Variants in MYOM3 observed in about 807,000 individuals in gnomAD.
The protein encoded by MYOM3 is myomesin-3.
MYOM3 carries 155 observed loss-of-function variants against 191.7 expected under a neutral mutation model. That is an observed-to-expected ratio of 0.81 (90% CI 0.71 to 0.92). MYOM3 has a LOEUF of 0.92. Among genes scored for constraint, MYOM3 ranks in the 40% least tolerant of loss-of-function variants. MYOM3 has a pLI of 0.00. For missense variants in MYOM3, 1,889 were observed against 1,890.6 expected (o/e 1.00, Z 0.02); for synonymous variants, 757 against 762.9 (o/e 0.99, Z 0.13).
At chr1:24,081,216 G>A in intron 19 of MYOM3, 114 bp downstream of exon 19, 1 of 1,370,298 alleles carries the variant, frequency 7.3e-7, no homozygotes, top group Non-Finnish European at 1.0e-6. Context: ...TGGGGTGCAG[G>A]ACAAACAGTG....
chr1:24,071,001 C>T, intron 25 of MYOM3, 116 bp downstream of exon 25: 1 of 1,305,256 alleles, frequency 7.7e-7, no homozygotes. Context: ...AAAAGCACAC[C>T]GTCATTTCTG....
At chr1:24,106,878 A>G (rs1643987778) in intron 4 of MYOM3, among the ~76,000 whole-genome samples, 195 bp downstream of exon 4, 1 of 152,220 alleles carries the variant, frequency 6.6e-6, no homozygotes, top group South Asian at 2.1e-4. Flanking sequence ...CCAATTTTAC[A>G]GATGAGAACA....
rs200882626 is a variant in MYOM3, at chr1:24,090,918, G to A, written c.1311C>T (p.Leu437=). ...GGTCRCPIQG[L]VEGQSYRFRV... is the part of the protein sequence containing the mutation. ...GGAACCGATAGCTCTGACCTTCGAC[G>A]AGGCCTTGGATTGGGCACCGACAAG... The change falls in exon 12 of 37, where the codon CTC becomes CTT. Residue 437 remains leucine (L), a synonymous_variant. Coordinates refer to ENST00000374434, the MANE Select transcript of MYOM3 (RefSeq NM_152372.4). The A allele has an allele frequency of 2.8e-5, 46 of 1,614,104 alleles. No individual in the cohort carries two copies. Among genetic ancestry groups the A allele is most frequent in the African/African-American group, 2.0e-4 (15 of 75,042 alleles).
chr1:24,108,053 C>T lies in MYOM3; in HGVS notation c.182G>A (p.Ser61Asn). The T allele has an allele frequency of 6.2e-7, 1 of 1,613,802 alleles. No homozygotes were observed. Among genetic ancestry groups the T allele is most frequent in the Non-Finnish European group, 8.5e-7 (1 of 1,179,854 alleles). The change falls in exon 3 of 37, where the codon AGC (serine) becomes AAC (asparagine). Residue 61 changes from serine to asparagine, a missense_variant. Physicochemically the swap from Ser to Asn is conservative, Grantham distance 46 (BLOSUM62 1). Transcript: ENST00000374434. Reference protein sequence around the residue: ...FRSSEEEHEFSAADYALAAAL... With the variant: ...FRSSEEEHEFNAADYALAAAL... Reference sequence around the variant, plus strand: ...TGCTGCCAGGGCGTAGTCCGCGGCGCTGAACTCATGCTCTTCTTCGCTGCT... The same window carrying T: ...TGCTGCCAGGGCGTAGTCCGCGGCGTTGAACTCATGCTCTTCTTCGCTGCT...
intron 5 of MYOM3, among the ~76,000 whole-genome samples, chr1:24,104,118 A>G (rs988175775): frequency 1.3e-5 from 2 of 152,208 alleles, no homozygotes; most frequent in African/African-American, 4.8e-5. Flanking sequence ...TTACCTGTGT[A>G]ATAGGCATAA....
intron 5 of MYOM3, among the ~76,000 whole-genome samples, chr1:24,100,584 T>C (rs1342933301): frequency 1.3e-5 from 2 of 152,056 alleles, no homozygotes; most frequent in East Asian, 3.9e-4. Context: ...CCGGAGGAGC[T>C]TTCAAAAATC....
chr1:24,081,592 T>C, intron 18 of MYOM3, 136 bp from the exon 19 acceptor site: 1 of 1,039,202 alleles, frequency 9.6e-7, no homozygotes. Flanking sequence ...AGACATGGTC[T>C]CACTTTGTCA....
intron 20 of MYOM3, 77 bp downstream of exon 20, chr1:24,079,939 G>T: frequency 7.8e-7 from 1 of 1,288,328 alleles, no homozygotes; most frequent in Non-Finnish European, 1.1e-6. Flanking sequence ...GTGATGTCTG[G>T]AGGTCATTCC....
At chr1:24,077,873 A>G (rs1260828455) in intron 20 of MYOM3, among the ~76,000 whole-genome samples, 2 of 152,218 alleles carry the variant, frequency 1.3e-5, no homozygotes, top group Admixed American at 1.3e-4. Flanking sequence ...ATATAGGGGA[A>G]GACCTCAAGG....
chr1:24,108,177 C>T, intron 2 of MYOM3, 104 bp from the exon 3 acceptor site: 4 of 1,094,422 alleles, frequency 3.7e-6, no homozygotes, highest in Non-Finnish European at 5.3e-6. Flanking sequence ...CACCAGCAGG[C>T]AGGGCTGTGC....
intron 32 of MYOM3, 57 bp from the exon 33 acceptor site, chr1:24,062,166 C>T: frequency 6.3e-7 from 1 of 1,594,398 alleles, no homozygotes; most frequent in South Asian, 1.1e-5. Flanking sequence ...CAACAGATAC[C>T]CGTGCCCCAA....
At chr1:24,107,043 G>A (rs1483632124) in intron 4 of MYOM3, 30 bp downstream of exon 4, 2 of 1,580,746 alleles carry the variant, frequency 1.3e-6, no homozygotes, top group Admixed American at 1.7e-5. Context: ...CAGGTCCCAG[G>A]CCCTGGGGCT....
At chr1:24,089,283 T>C (rs1240235074) in intron 14 of MYOM3, among the ~76,000 whole-genome samples, 1 of 152,208 alleles carries the variant, frequency 6.6e-6, no homozygotes, top group Non-Finnish European at 1.5e-5. Flanking sequence ...GTCATTGTTG[T>C]CTGTGTCTTG....
chr1:24,105,928 C>A lies in MYOM3; in HGVS notation c.552G>T (p.Gln184His), dbSNP rs750790698. The change falls in exon 5 of 37, where the codon CAG becomes CAT. Residue 184 changes from glutamine (Q) to histidine (H), a missense_variant. Gln to His is a conservative substitution (Grantham distance 24). Transcript: ENST00000374434. Reference sequence around the variant, plus strand: ...CTGCCCCAGCGGCTTACCAGGTGACCTGGGGTGGTGGTGAGGCCTGGACAG... The same window carrying A: ...CTGCCCCAGCGGCTTACCAGGTGACATGGGGTGGTGGTGAGGCCTGGACAG... ...TCTVQASPPPQVTWYKNDTRI... is the reference protein window; with the variant it reads ...TCTVQASPPPHVTWYKNDTRI... 1 of 1,604,410 alleles carries A rather than the reference C, an allele frequency of 6.2e-7. No homozygotes were observed. The highest frequency in any genetic ancestry group is 1.1e-5 in the South Asian group (1 of 89,532).
chr1:24,099,685 A>G lies in MYOM3; in HGVS notation c.651T>C (p.Ile217=), dbSNP rs775637204. 6.2e-7 allele frequency: 1 copy of G among 1,613,040 alleles called. No homozygotes were observed. Among genetic ancestry groups the G allele is most frequent in the South Asian group, 1.1e-5 (1 of 91,060 alleles). The change falls in exon 6 of 37, where the codon ATT becomes ATC. Residue 217 remains isoleucine (I), a synonymous_variant. Coordinates refer to ENST00000374434, the MANE Select transcript of MYOM3 (RefSeq NM_152372.4). ...TNNYGLLSLE[I]RRCAIEDSAT... The stretch of plus-strand genomic sequence containing the variant: ...CTCCAGGTCTCCAGTCTCACCTCCT[A>G]ATCTCCAGGGACAGCAGCCCGTAGT...
intron 35 of MYOM3, among the ~76,000 whole-genome samples, chr1:24,060,317 G>T (rs1241332586): frequency 2.6e-5 from 4 of 152,168 alleles, no homozygotes; most frequent in Non-Finnish European, 2.9e-5. Flanking sequence ...ACAGCTATGA[G>T]CCTGAGGCCT....
Position 24,106,064 on chromosome 1 carries a change from A to G in MYOM3, c.416T>C (p.Val139Ala). Reference sequence around the variant, plus strand: ...CTCCCTCAGCTCCTTGGCCTCCTGGACCTTCTCCTCTGTCTGGAGGCGGGA... The same window carrying G: ...CTCCCTCAGCTCCTTGGCCTCCTGGGCCTTCTCCTCTGTCTGGAGGCGGGA... Reference protein sequence around the residue: ...KTLRRRTEEKVQEAKELRELC... With the variant: ...KTLRRRTEEKAQEAKELRELC... Residue 139 changes from valine (V) to alanine (A), a missense_variant, in exon 5 of 37, where the codon GTC becomes GCC. Coordinates refer to ENST00000374434, the MANE Select transcript of MYOM3 (RefSeq NM_152372.4). 6.2e-7 allele frequency: 1 copy of G among 1,612,122 alleles called. No homozygotes were observed. The highest frequency in any genetic ancestry group is 8.5e-7 in the Non-Finnish European group (1 of 1,179,438).
In MYOM3 at chr1:24,063,359, G is replaced by C. The variant is rs1643395606; in HGVS notation, c.3662-125C>G. On this transcript the variant is annotated intron_variant, in intron 31 of 36. Coordinates refer to ENST00000374434, the MANE Select transcript of MYOM3 (RefSeq NM_152372.4). This position sits in a 1 kb window ranked among gnomAD's most constrained non-coding sequence, Gnocchi z 4.5. ...TGGGGGAAATGCAGTGCTGTGAAGA[G>C]GCGGGATTTTCTCTTCGGTGTTTGA... 7.2e-7 allele frequency: 1 copy of C among 1,390,236 alleles called. No individual in the cohort carries two copies. Among genetic ancestry groups the C allele is most frequent in the East Asian group, 2.3e-5 (1 of 43,496 alleles). The allele number at this position is 1,390,236 out of a possible 1,614,324, so 86.1% of individuals were successfully genotyped here.
At chr1:24,077,689 C>G (rs1643618649) in intron 20 of MYOM3, among the ~76,000 whole-genome samples, 1 of 152,224 alleles carries the variant, frequency 6.6e-6, no homozygotes, top group Non-Finnish European at 1.5e-5. Context: ...TTTAGCTTCC[C>G]ATGCCTAGGA....
Sources: allele counts gnomAD v4.1 joint callset (sites outside exome capture counted in the v4.1 genomes callset), GRCh38; gene constraint gnomAD v4.1.1; non-coding constraint Gnocchi (gnomAD v3.1); transcripts MANE v1.5; gene names NCBI Gene and HGNC (gene_info 2026-07-23, HGNC 2026-07-21).